CAAP1: variants seen among roughly 807,000 people sequenced by gnomAD.
CAAP1 encodes caspase activity and apoptosis inhibitor 1.
Under a neutral mutation model 34.0 loss-of-function variants are expected in CAAP1, and 20 were observed. The ratio of observed to expected loss-of-function variants is 0.59; its 90% confidence interval spans 0.41 to 0.86. The LOEUF is 0.86. CAAP1 is among the 40% of genes least tolerant of loss of function. CAAP1 has a pLI of 0.00. For missense variants in CAAP1, 538 were observed against 450.5 expected, an observed-to-expected ratio of 1.19 and a Z score of -1.76; for synonymous variants, 213 against 166.7, an observed-to-expected ratio of 1.28 and a Z score of -2.14.
chr9:26,857,992 C>T (rs1822911977), intron 5 of CAAP1, among the ~76,000 whole-genome samples: 1 of 152,026 alleles, frequency 6.6e-6, no homozygotes, highest in Non-Finnish European at 1.5e-5. Flanking sequence ...AACTTATATA[C>T]CATTAATAGG....
intron 5 of CAAP1, among the ~76,000 whole-genome samples, chr9:26,860,838 A>C (rs890102150): frequency 1.3e-5 from 2 of 152,150 alleles, no homozygotes; most frequent in African/African-American, 4.8e-5. Flanking sequence ...CTGAAATAAA[A>C]CTATTCAAGA....
intron 4 of CAAP1, among the ~76,000 whole-genome samples, chr9:26,861,928 T>C (rs975685802): frequency 6.6e-6 from 1 of 152,200 alleles, no homozygotes; most frequent in African/African-American, 2.4e-5. Flanking sequence ...AACCGAAGGA[T>C]TAAAAAAGAC....
At chr9:26,888,817 T>C (rs1166615136) in intron 1 of CAAP1, among the ~76,000 whole-genome samples, 1 of 152,218 alleles carries the variant, frequency 6.6e-6, no homozygotes, top group Admixed American at 6.5e-5. Flanking sequence ...GCATTATTCA[T>C]ATAGCCAAAA....
At chr9:26,878,102 C>T (rs996697872) in intron 4 of CAAP1, among the ~76,000 whole-genome samples, 3 of 152,102 alleles carry the variant, frequency 2.0e-5, no homozygotes, top group African/African-American at 7.2e-5. Flanking sequence ...TTAATGGTAA[C>T]AATCCCCTAT....
Position 26,840,718 on chromosome 9 carries a change from G to C in CAAP1, c.*1583C>G, listed in dbSNP as rs1199370563. The C allele has an allele frequency of 6.6e-6, 1 of 152,132 alleles. No individual in the cohort carries two copies. The highest frequency in any genetic ancestry group is 1.5e-5 in the Non-Finnish European group (1 of 68,020). 9.4% of individuals were successfully genotyped at this position (152,132 alleles called of 1,614,324 possible). A position where few individuals can be genotyped will look rare whatever the true frequency, so the allele number is the denominator to read the frequency against. Reference sequence around the variant, plus strand: ...GGTGGAGACTTTAATCATCTACAAAGCCCTCAGACCTGTTTTACTTTATAT... The same window carrying C: ...GGTGGAGACTTTAATCATCTACAAACCCCTCAGACCTGTTTTACTTTATAT... On this transcript the variant is annotated 3_prime_UTR_variant, in exon 6 of 6. Transcript: ENST00000333916.
rs767796125 is a variant in CAAP1, at chr9:26,892,470, G to A, written c.246C>T (p.Ser82=). Residue 82 remains serine (S), a synonymous_variant, in exon 1 of 6, where the codon AGC becomes AGT. Coordinates refer to ENST00000333916, the MANE Select transcript of CAAP1 (RefSeq NM_024828.4). ...CGGTACTCCTCCGCTTCCGGCGCTC[G>A]CTGCGCTCCACGCTGCTCCCGCCCC... is the stretch of plus-strand genomic sequence containing the variant. ...SCWGGSSVER[S]ERRKRRSTDS... is the part of the protein sequence containing the mutation. The A allele has an allele frequency of 1.3e-6, 2 of 1,566,360 alleles. No individual in the cohort carries two copies. The highest frequency in any genetic ancestry group is 2.4e-5 in the East Asian group (1 of 41,896).
rs117832419 is a variant in CAAP1 at position 26,892,075 on chromosome 9, G to A, written c.303+338C>T. On this transcript the variant is annotated intron_variant, in intron 1 of 5. Coordinates refer to ENST00000333916, the MANE Select transcript of CAAP1 (RefSeq NM_024828.4). The stretch of plus-strand genomic sequence containing the variant: ...ATATCTACGAAAAGGTGAAGACGAA[G>A]GGAGAAGTGTTTGGCTCGCAAGGGA... Among the ~76,000 whole-genome samples, 333 of 152,194 alleles carry A rather than the reference G, an allele frequency of 2.2e-3. 8 individuals carry two copies. The highest frequency in any genetic ancestry group is 0.021 in the East Asian group (107 of 5,174).
intron 4 of CAAP1, among the ~76,000 whole-genome samples, chr9:26,863,017 T>C (rs1476287137): frequency 1.3e-5 from 2 of 152,190 alleles, no homozygotes; most frequent in African/African-American, 2.4e-5. Flanking sequence ...ATGTTTCTTG[T>C]ACTATTCTTA....
chr9:26,887,504 A>G lies in CAAP1; in HGVS notation c.313T>C (p.Tyr105His). 1.3e-6 allele frequency: 2 copies of G among 1,592,640 alleles called. No individual in the cohort carries two copies. The highest frequency in any genetic ancestry group is 8.5e-7 in the Non-Finnish European group (1 of 1,170,608). Residue 105 changes from tyrosine (Y) to histidine (H), a missense_variant, in exon 2 of 6, where the codon TAT becomes CAT. Tyr to His is a moderately conservative substitution (Grantham distance 83, BLOSUM62 2). Coordinates refer to ENST00000333916, the MANE Select transcript of CAAP1 (RefSeq NM_024828.4). Reference protein sequence around the residue: ...VSGSLQQETKYILPTLEKELF... With the variant: ...VSGSLQQETKHILPTLEKELF... ...TCTTTTTCCAAAGTTGGCAAAATATATTTAGTTTCCTAAAGTTAAAAGAAT... is the reference window on the plus strand; with the variant it reads ...TCTTTTTCCAAAGTTGGCAAAATATGTTTAGTTTCCTAAAGTTAAAAGAAT...
intron 4 of CAAP1, among the ~76,000 whole-genome samples, chr9:26,871,809 G>C (rs997977475): frequency 6.6e-5 from 10 of 151,586 alleles, no homozygotes; most frequent in Non-Finnish European, 1.5e-4. Flanking sequence ...AACTACTTAG[G>C]AGGCTGAGGC....
intron 4 of CAAP1, among the ~76,000 whole-genome samples, chr9:26,883,146 T>C (rs768654407): frequency 1.9e-4 from 29 of 152,112 alleles, no homozygotes; most frequent in Admixed American, 3.9e-4. Context: ...TGGAAAGGCA[T>C]GATTCGTTTT....
At chr9:26,863,452 A>C (rs963141273) in intron 4 of CAAP1, among the ~76,000 whole-genome samples, 7 of 152,294 alleles carry the variant, frequency 4.6e-5, no homozygotes, top group Admixed American at 4.6e-4. Context: ...CAATTTAAAG[A>C]TCTCCAATAA....
Position 26,890,570 on chromosome 9 carries a change from A to T in CAAP1, c.303+1843T>A, listed in dbSNP as rs191569834. 6.6e-4 allele frequency among the ~76,000 whole-genome samples: 100 copies of T among 152,232 alleles called. 1 individual carries two copies. Among genetic ancestry groups the T allele is most frequent in the African/African-American group, 2.3e-3 (94 of 41,514 alleles). On this transcript the variant is annotated intron_variant, in intron 1 of 5. Transcript: ENST00000333916. ...GAGAAGAAAATATAAACCATTCTAG[A>T]ACACACCAAAAAAACACAAAGCTTC...
At chr9:26,873,648 T>TC (rs1322103406) in intron 4 of CAAP1, among the ~76,000 whole-genome samples, 2 of 152,170 alleles carry the variant, frequency 1.3e-5, no homozygotes, top group Non-Finnish European at 2.9e-5. Flanking sequence ...AAAGCTTTTT[T>TC]CCCAGCCCAT....
chr9:26,884,562 T>A (rs374414284), intron 4 of CAAP1, among the ~76,000 whole-genome samples: 2 of 152,152 alleles, frequency 1.3e-5, no homozygotes, highest in African/African-American at 2.4e-5. Context: ...CTGCTTCAGG[T>A]TGGCACTGCT....
chr9:26,887,278 T>C, intron 2 of CAAP1, 35 bp downstream of exon 2: 1 of 1,331,906 alleles, frequency 7.5e-7, no homozygotes, highest in Non-Finnish European at 1.0e-6. Context: ...GCTGTATTTC[T>C]ACATATGTAT....
intron 1 of CAAP1, 64 bp downstream of exon 1, chr9:26,892,349 G>A: frequency 2.5e-6 from 4 of 1,581,746 alleles, no homozygotes; most frequent in African/African-American, 1.3e-5. Context: ...CCATCCCTCT[G>A]GAAGCCCGAC....
In CAAP1 at chr9:26,887,529, T is replaced by C; in HGVS notation, c.304-16A>G. 6.8e-7 allele frequency: 1 copy of C among 1,477,040 alleles called. No individual in the cohort carries two copies. Among genetic ancestry groups the C allele is most frequent in the South Asian group, 1.2e-5 (1 of 81,018 alleles). The allele number at this position is 1,477,040 out of a possible 1,614,324, so 91.5% of individuals were successfully genotyped here. A position where few individuals can be genotyped will look rare whatever the true frequency, so the allele number is the denominator to read the frequency against. On this transcript the variant is annotated splice_polypyrimidine_tract_variant and intron_variant, in intron 1 of 5. Coordinates refer to ENST00000333916, the MANE Select transcript of CAAP1 (RefSeq NM_024828.4). ...ATTTAGTTTCCTAAAGTTAAAAGAATAAAGAACCATTAAACAATACTACTT... is the reference window on the plus strand; with the variant it reads ...ATTTAGTTTCCTAAAGTTAAAAGAACAAAGAACCATTAAACAATACTACTT...
chr9:26,841,219 T>C lies in CAAP1; in HGVS notation c.*1082A>G, dbSNP rs772951595. ...TTATAAATAAAATATACTGTATTTG[T>C]TATCAAATATAGAAACAACAGTTCC... On this transcript the variant is annotated 3_prime_UTR_variant, in exon 6 of 6. Coordinates refer to ENST00000333916, the MANE Select transcript of CAAP1 (RefSeq NM_024828.4). 1 of 152,342 alleles carries C rather than the reference T, an allele frequency of 6.6e-6. No homozygotes were observed. The highest frequency in any genetic ancestry group is 1.5e-5 in the Non-Finnish European group (1 of 67,990). 9.4% of individuals were successfully genotyped at this position (152,342 alleles called of 1,614,324 possible).
Sources: gnomAD v4.1 joint callset for allele counts (sites outside exome capture counted in the v4.1 genomes callset) on GRCh38, gnomAD v4.1.1 for gene constraint, MANE v1.5 for transcripts, NCBI Gene and HGNC (gene_info 2026-07-23, HGNC 2026-07-21) for gene names.